Variants in PCDH9 observed in about 807,000 individuals in gnomAD.
PCDH9 encodes protocadherin 9, also known as protocadherin-9.
In PCDH9, 24 loss-of-function variants were observed where a neutral mutation model predicts 70.6. The ratio of observed to expected loss-of-function variants is 0.34; its 90% CI spans 0.25 to 0.48. PCDH9 has a LOEUF of 0.48. PCDH9 is among the 20% of genes least tolerant of loss of function. PCDH9 has a pLI of 0.99. For synonymous variants in PCDH9, 562 were observed against 558.5 expected (o/e 1.01, Z -0.09); for missense variants, 1,281 against 1,503.6 (o/e 0.85, Z 2.45).
chr13:66,755,036 T>C (rs1266362778), intron 3 of PCDH9, among the ~76,000 whole-genome samples: 1 of 152,178 alleles, frequency 6.6e-6, no homozygotes, highest in African/African-American at 2.4e-5. Context: ...TAATGCACTT[T>C]GGGGATATTT....
At chr13:66,370,422 C>T (rs1593870623) in intron 4 of PCDH9, among the ~76,000 whole-genome samples, 1 of 151,978 alleles carries the variant, frequency 6.6e-6, no homozygotes, top group East Asian at 1.9e-4. Flanking sequence ...TCAACTTCCT[C>T]CCTCATTACA....
chr13:66,980,130 A>ATCTG (rs1351080135), intron 2 of PCDH9, among the ~76,000 whole-genome samples: 7 of 145,212 alleles, frequency 4.8e-5, no homozygotes, highest in African/African-American at 1.8e-4. Context: ...CTATCTATCT[A>ATCTG]TCATCACTTC....
chr13:66,605,788 CTG>C (rs2077215385), intron 4 of PCDH9, among the ~76,000 whole-genome samples: 1 of 151,998 alleles, frequency 6.6e-6, no homozygotes, highest in Non-Finnish European at 1.5e-5. Context: ...GCTTGAATGA[CTG>C]TACTTTTTTT....
At chr13:67,137,005 T>G (rs1287230579) in intron 2 of PCDH9, among the ~76,000 whole-genome samples, 1 of 151,978 alleles carries the variant, frequency 6.6e-6, no homozygotes, top group Non-Finnish European at 1.5e-5. Flanking sequence ...GTAGATAATT[T>G]TCATAAATCA....
chr13:66,724,083 G>C (rs2078974997), intron 3 of PCDH9, among the ~76,000 whole-genome samples: 1 of 152,296 alleles, frequency 6.6e-6, no homozygotes, highest in African/African-American at 2.4e-5. Flanking sequence ...TTATCAAGTT[G>C]AGTGCGACCA....
intron 2 of PCDH9, among the ~76,000 whole-genome samples, chr13:66,933,641 C>T (rs557435302): frequency 6.6e-6 from 1 of 152,142 alleles, no homozygotes; most frequent in South Asian, 2.1e-4. Flanking sequence ...TTAGTTGTTC[C>T]TTTTTCTGTC....
chr13:66,328,265 C>T (rs1955880365), intron 4 of PCDH9, among the ~76,000 whole-genome samples: 2 of 151,946 alleles, frequency 1.3e-5, no homozygotes, highest in Admixed American at 1.3e-4. Context: ...TTATAGAAAT[C>T]AAACCAGGAA....
At chr13:67,145,396 A>T (rs2087498250) in intron 2 of PCDH9, among the ~76,000 whole-genome samples, 1 of 152,030 alleles carries the variant, frequency 6.6e-6, no homozygotes, top group East Asian at 1.9e-4. Flanking sequence ...TCTTTCTCAT[A>T]CATGATGGGA....
chr13:66,548,084 A>G (rs1175598128), intron 4 of PCDH9, among the ~76,000 whole-genome samples: 1 of 151,582 alleles, frequency 6.6e-6, no homozygotes, highest in Non-Finnish European at 1.5e-5. Context: ...AAGAAGAGCA[A>G]TTTATACCTT....
chr13:66,404,101 C>T (rs550120695), intron 4 of PCDH9, among the ~76,000 whole-genome samples: 2 of 152,260 alleles, frequency 1.3e-5, no homozygotes, highest in African/African-American at 4.8e-5. Flanking sequence ...CAAGATGACT[C>T]AGTTATCTAA....
intron 2 of PCDH9, among the ~76,000 whole-genome samples, chr13:67,111,843 C>G (rs2086665092): frequency 6.6e-6 from 1 of 152,080 alleles, no homozygotes. Context: ...TCCTATGCCA[C>G]CACTGTCATT....
chr13:67,145,332 T>A (rs1222680341), intron 2 of PCDH9, among the ~76,000 whole-genome samples: 1 of 152,090 alleles, frequency 6.6e-6, no homozygotes, highest in Admixed American at 6.6e-5. Context: ...TGCTTAGGTT[T>A]CTTTCAAGTG....
At chr13:67,210,202 A>G (rs1402534017) in intron 2 of PCDH9, 2 of 152,082 alleles carry the variant, frequency 1.3e-5, no homozygotes. Context: ...TGGTTTTCCA[A>G]TCAAATAATA....
At chr13:67,067,550 ATC>A (rs1225393823) in intron 2 of PCDH9, among the ~76,000 whole-genome samples, 1 of 152,050 alleles carries the variant, frequency 6.6e-6, no homozygotes, top group Non-Finnish European at 1.5e-5. Flanking sequence ...TGAAAAAATC[ATC>A]TGTCTTCCCA....
At chr13:67,153,436 G>A (rs1290871971) in intron 2 of PCDH9, among the ~76,000 whole-genome samples, 2 of 152,064 alleles carry the variant, frequency 1.3e-5, no homozygotes, top group East Asian at 3.9e-4. Flanking sequence ...TCCCAAGCGT[G>A]GGGATTATAG....
intron 4 of PCDH9, among the ~76,000 whole-genome samples, chr13:66,534,755 G>T (rs144919954): frequency 1.3e-5 from 2 of 152,182 alleles, no homozygotes; most frequent in Non-Finnish European, 2.9e-5. Flanking sequence ...TGGTGACTCA[G>T]AATAACTGTC....
intron 3 of PCDH9, among the ~76,000 whole-genome samples, chr13:66,871,815 C>T (rs1267613069): frequency 6.6e-6 from 1 of 151,970 alleles, no homozygotes; most frequent in Non-Finnish European, 1.5e-5. Flanking sequence ...TATTTTCTAG[C>T]CTATTTCATT....
intron 2 of PCDH9, among the ~76,000 whole-genome samples, chr13:66,931,955 T>A (rs981172704): frequency 6.6e-6 from 1 of 152,120 alleles, no homozygotes; most frequent in Non-Finnish European, 1.5e-5. Flanking sequence ...TGTATGTTTA[T>A]GTGTGTGGGT....
Position 67,227,075 on chromosome 13 carries a change from T to A in PCDH9, c.1366A>T (p.Arg456Trp). 7 of 1,614,108 alleles carry A rather than the reference T, an allele frequency of 4.3e-6. No homozygotes were observed. The highest frequency in any genetic ancestry group is 5.9e-6 in the Non-Finnish European group (7 of 1,179,986). ...TCATTTTCATCCTCAAGCTTAACCC[T>A]TACCAGGGCAGTCTGATTTAAACTG... ...KPSLNQTALV[R>W]VKLEDENDNP... The change falls in exon 2 of 5, where the codon AGG becomes TGG. Residue 456 changes from arginine to tryptophan, a missense_variant. This residue lies in a region of PCDH9 where 798 missense variants were observed against 1,003.1 expected (regional missense o/e 0.80). Coordinates refer to ENST00000377865, the MANE Select transcript of PCDH9 (RefSeq NM_203487.3). The surrounding 1 kb of genome is among the most constrained non-coding windows in gnomAD (Gnocchi z 4.6).
Sources: gnomAD v4.1 joint callset for allele counts (sites outside exome capture counted in the v4.1 genomes callset) on GRCh38, gnomAD v4.1.1 for gene constraint, gnomAD v4.1.1 regional missense constraint, Gnocchi (gnomAD v3.1) non-coding constraint, MANE v1.5 for transcripts, NCBI Gene and HGNC (gene_info 2026-07-23, HGNC 2026-07-21) for gene names.